CADM2: variants seen among roughly 807,000 people sequenced by gnomAD.
The protein encoded by CADM2 is cell adhesion molecule 2.
Under a neutral mutation model 49.8 loss-of-function variants are expected in CADM2, and 12 were observed. The ratio of observed to expected loss-of-function variants is 0.24; its 90% confidence interval spans 0.15 to 0.39. The LOEUF (loss-of-function observed/expected upper bound fraction) is 0.39, where lower values mean the gene tolerates loss of function less well. Among genes scored for constraint, CADM2 ranks in the 10% least tolerant of loss-of-function variants. The pLI is 1.00. For synonymous variants in CADM2, 214 were observed against 175.4 expected (o/e 1.22, Z -1.74); for missense variants, 378 against 492.3 (o/e 0.77, Z 2.20).
chr3:85,153,321 G>T (rs1226344819), intron 1 of CADM2, among the ~76,000 whole-genome samples: 1 of 152,212 alleles, frequency 6.6e-6, no homozygotes, highest in Non-Finnish European at 1.5e-5. Context: ...AGAAAGGGGT[G>T]GCAGATGGCA....
In CADM2 at chr3:85,976,675, A is replaced by G. The variant is rs570979786; in HGVS notation, c.970+15028A>G. Reference sequence around the variant, plus strand: ...AGTAACAGGCATCGGTTTCTTTATGACAAGTCATTTTTTAAACCCAATTGT... The same window carrying G: ...AGTAACAGGCATCGGTTTCTTTATGGCAAGTCATTTTTTAAACCCAATTGT... On this transcript the variant is annotated intron_variant, in intron 8 of 9. Coordinates refer to ENST00000383699, the MANE Select transcript of CADM2 (RefSeq NM_001167675.2). Among the ~76,000 whole-genome samples the G allele has an allele frequency of 4.5e-4, 68 of 151,682 alleles. 1 individual carries two copies. The South Asian group carries it at 6.4e-3, about 14-fold the overall frequency.
At chr3:85,349,736 G>C (rs2031141397) in intron 1 of CADM2, among the ~76,000 whole-genome samples, 1 of 152,208 alleles carries the variant, frequency 6.6e-6, no homozygotes, top group Non-Finnish European at 1.5e-5. Flanking sequence ...ATTGCAGTGA[G>C]AGAGAACAGA....
chr3:85,451,892 C>G (rs946233177), intron 1 of CADM2, among the ~76,000 whole-genome samples: 1 of 152,058 alleles, frequency 6.6e-6, no homozygotes, highest in Non-Finnish European at 1.5e-5. Context: ...GATATGGAAG[C>G]ATTTATTTAG....
At chr3:85,102,408 T>C (rs2038050874) in intron 1 of CADM2, among the ~76,000 whole-genome samples, 1 of 152,166 alleles carries the variant, frequency 6.6e-6, no homozygotes, top group African/African-American at 2.4e-5. Context: ...ACAGAGAGTA[T>C]AGAAAAAGAT....
Position 85,769,527 on chromosome 3 carries a change from ATG to A in CADM2, c.89-32518_89-32517del, listed in dbSNP as rs1491155509. ...TGTATATATACACGTATATACATATATGTATATATACACGTATATACATATAT... is the reference window on the plus strand; with the variant it reads ...TGTATATATACACGTATATACATATATATATATACACGTATATACATATAT... On this transcript the variant is annotated intron_variant, in intron 2 of 9. Coordinates refer to ENST00000383699, the MANE Select transcript of CADM2 (RefSeq NM_001167675.2). 5.8e-3 allele frequency among the ~76,000 whole-genome samples: 686 copies of A among 117,610 alleles called. 118 individuals carry two copies. Among genetic ancestry groups the A allele is most frequent in the African/African-American group, 0.024 (660 of 27,120 alleles). 77.2% of individuals were successfully genotyped at this position (117,610 alleles called of 152,430 possible). A position where few individuals can be genotyped will look rare whatever the true frequency, so the allele number is the denominator to read the frequency against.
intron 1 of CADM2, chr3:84,960,412 G>A (rs1202988833): frequency 1.3e-5 from 2 of 150,188 alleles, no homozygotes; most frequent in African/African-American, 4.9e-5. Context: ...GGGAGAAAAG[G>A]CAAAAAAATT....
At chr3:85,180,013 T>A (rs1003783067) in intron 1 of CADM2, among the ~76,000 whole-genome samples, 2 of 152,080 alleles carry the variant, frequency 1.3e-5, no homozygotes, top group African/African-American at 4.8e-5. Context: ...AATATAGGCC[T>A]GGAAATATAG....
intron 1 of CADM2, among the ~76,000 whole-genome samples, chr3:85,482,158 C>A (rs947329377): frequency 6.6e-6 from 1 of 151,570 alleles, no homozygotes; most frequent in Non-Finnish European, 1.5e-5. Context: ...TCCATAATGC[C>A]GATTTACTGA....
chr3:85,642,466 A>C (rs1325474271), intron 1 of CADM2, among the ~76,000 whole-genome samples: 9 of 152,148 alleles, frequency 5.9e-5, no homozygotes, highest in Admixed American at 1.3e-4. Context: ...AGGAGGAAGA[A>C]TAGAATGGAA....
At chr3:85,110,299 AT>A (rs2038402304) in intron 1 of CADM2, among the ~76,000 whole-genome samples, 1 of 151,756 alleles carries the variant, frequency 6.6e-6, no homozygotes, top group Non-Finnish European at 1.5e-5. Flanking sequence ...TGGGGGGCAG[AT>A]TTTATTTCTA....
At chr3:86,066,111 G>A (rs1739278320) in intron 9 of CADM2, among the ~76,000 whole-genome samples, 1 of 151,726 alleles carries the variant, frequency 6.6e-6, no homozygotes, top group Non-Finnish European at 1.5e-5. Flanking sequence ...TGTGCAACGG[G>A]CCAGGTACCA....
chr3:85,108,843 T>C (rs1337307726), intron 1 of CADM2, among the ~76,000 whole-genome samples: 1 of 151,990 alleles, frequency 6.6e-6, no homozygotes, highest in Non-Finnish European at 1.5e-5. Flanking sequence ...AAAAAGTGAT[T>C]AGGATGTATC....
chr3:85,511,225 A>T (rs1282171865), intron 1 of CADM2, among the ~76,000 whole-genome samples: 1 of 152,074 alleles, frequency 6.6e-6, no homozygotes, highest in Non-Finnish European at 1.5e-5. Flanking sequence ...GAAAATATCC[A>T]CTTGTAAGGA....
chr3:85,048,513 A>C (rs575790202), intron 1 of CADM2, among the ~76,000 whole-genome samples: 1 of 152,296 alleles, frequency 6.6e-6, no homozygotes, highest in African/African-American at 2.4e-5. Flanking sequence ...TATCATAAGG[A>C]GAATTAAACT....
At chr3:85,037,045 C>T (rs1035067878) in intron 1 of CADM2, among the ~76,000 whole-genome samples, 4 of 151,508 alleles carry the variant, frequency 2.6e-5, no homozygotes, top group Admixed American at 1.3e-4. Context: ...TGGCAGGCGC[C>T]TGTAATCCCA....
At chr3:85,650,992 T>C (rs2065027432) in intron 1 of CADM2, among the ~76,000 whole-genome samples, 2 of 149,784 alleles carry the variant, frequency 1.3e-5, no homozygotes, top group South Asian at 4.3e-4. Context: ...TCTACCATTT[T>C]CCGCACCCCC....
chr3:86,007,477 C>T (rs1559796869), intron 8 of CADM2, among the ~76,000 whole-genome samples: 2 of 152,044 alleles, frequency 1.3e-5, no homozygotes, highest in Non-Finnish European at 2.9e-5. Flanking sequence ...TTCCAGCAGC[C>T]AAGGTAAATA....
rs1223487096 is a variant in CADM2, at chr3:85,426,011, C to T, written c.62-300511C>T. Among the ~76,000 whole-genome samples, 3 of 152,168 alleles carry T rather than the reference C, an allele frequency of 2.0e-5. No homozygotes were observed. In the East Asian group the frequency reaches 5.8e-4, roughly 29 times the overall value. ...GGCTAGAAGCAAACGGCCAGCAAGT[C>T]TAGACACATTCCAGAAGACCTTATG... is the stretch of plus-strand genomic sequence containing the variant. On this transcript the variant is annotated intron_variant, in intron 1 of 9. Coordinates refer to ENST00000383699, the MANE Select transcript of CADM2 (RefSeq NM_001167675.2).
chr3:85,212,495 C>G (rs968178434), intron 1 of CADM2, among the ~76,000 whole-genome samples: 2 of 152,038 alleles, frequency 1.3e-5, no homozygotes, highest in African/African-American at 4.8e-5. Context: ...TCTTTCAATT[C>G]ATTATTTTAA....
Sources: allele counts gnomAD v4.1 joint callset (sites outside exome capture counted in the v4.1 genomes callset), GRCh38; gene constraint gnomAD v4.1.1; transcripts MANE v1.5; gene names NCBI Gene and HGNC (gene_info 2026-07-23, HGNC 2026-07-21).